The following CBLB variants were observed in gnomAD, a reference collection of about 807,000 sequenced individuals.
The protein encoded by CBLB is Cbl proto-oncogene B, also known as E3 ubiquitin-protein ligase CBL-B.
Under a neutral mutation model 104.9 loss-of-function variants are expected in CBLB, and 31 were observed. The observed-to-expected ratio is 0.30, with a 90% confidence interval of 0.22 to 0.40. CBLB has a LOEUF of 0.40. Ranked by LOEUF, CBLB falls within the 10% of genes least tolerant of loss-of-function variation. The pLI is 1.00. For missense variants in CBLB, 1,062 were observed against 1,214.6 expected (o/e 0.87, Z 1.87); for synonymous variants, 440 against 422.6 (o/e 1.04, Z -0.51).
At position 105,710,858 on chromosome 3, in the gene CBLB, C is replaced by T. The variant is rs922883807; in HGVS notation, c.1408-6685G>A. Among the ~76,000 whole-genome samples, 15 of 151,662 alleles carry T rather than the reference C, an allele frequency of 9.9e-5. 1 individual carries two copies. The highest frequency in any genetic ancestry group is 1.9e-4 in the East Asian group (1 of 5,184). ...AATGCACAGAATCCTTTATAACTAC[C>T]ACGAGGAACAGAGAAATCCACATGT... On this transcript the variant is annotated intron_variant, in intron 10 of 18. Transcript: ENST00000394030.
intron 3 of CBLB, among the ~76,000 whole-genome samples, chr3:105,806,550 G>T (rs1169135791): frequency 6.7e-6 from 1 of 149,264 alleles, no homozygotes; most frequent in Non-Finnish European, 1.5e-5. Context: ...CTTTTTAAAG[G>T]TCACAAAGAT....
intron 9 of CBLB, among the ~76,000 whole-genome samples, chr3:105,730,283 T>C (rs1023241225): frequency 6.6e-6 from 1 of 152,010 alleles, no homozygotes; most frequent in African/African-American, 2.4e-5. Flanking sequence ...AATCACACAA[T>C]AGCTAGTGAA....
intron 2 of CBLB, among the ~76,000 whole-genome samples, chr3:105,856,384 A>C (rs2091619495): frequency 6.6e-6 from 1 of 151,980 alleles, no homozygotes; most frequent in Admixed American, 6.5e-5. Flanking sequence ...GGAAAAAAAA[A>C]AGAAATCACT....
chr3:105,853,415 T>G lies in CBLB; in HGVS notation c.418A>C (p.Arg140=), dbSNP rs1560536253. 1.9e-6 allele frequency: 3 copies of G among 1,613,540 alleles called. No homozygotes were observed. The highest frequency in any genetic ancestry group is 1.7e-6 in the Non-Finnish European group (2 of 1,179,742). Residue 140 remains arginine (R), a splice_region_variant and synonymous_variant, in exon 3 of 19, where the codon AGA becomes CGA. Coordinates refer to ENST00000394030, the MANE Select transcript of CBLB (RefSeq NM_170662.5). ...AAACATCTGAAATATTCTTCTTACC[T>G]GTCCTGTGACTGTTCTTCATACATT... ...ERMYEEQSQD[R]RNLTKLSLIF...
intron 3 of CBLB, among the ~76,000 whole-genome samples, chr3:105,830,399 C>T (rs1378129020): frequency 1.3e-5 from 2 of 152,154 alleles, no homozygotes; most frequent in Admixed American, 6.5e-5. Context: ...TGACTCAGCA[C>T]TATAAGGATC....
Position 105,681,476 on chromosome 3 carries a change from A to G in CBLB, c.2428+3T>C. ...TGTTCAAAACTTTTTTAAAGGTTTC[A>G]ACCTAATGGAGGGATGAGAAGATCA... On this transcript the variant is annotated splice_donor_region_variant and intron_variant, in intron 16 of 18. Transcript: ENST00000394030. 1 of 1,614,122 alleles carries G rather than the reference A, an allele frequency of 6.2e-7. No individual in the cohort carries two copies. Among genetic ancestry groups the G allele is most frequent in the Non-Finnish European group, 8.5e-7 (1 of 1,179,952 alleles).
At chr3:105,836,550 T>C (rs186298119) in intron 3 of CBLB, among the ~76,000 whole-genome samples, 2 of 152,152 alleles carry the variant, frequency 1.3e-5, no homozygotes, top group African/African-American at 4.8e-5. Flanking sequence ...TCCAGAGTTA[T>C]AAGAAAAGAA....
chr3:105,679,914 T>A (rs1219156594), intron 16 of CBLB, among the ~76,000 whole-genome samples: 1 of 152,228 alleles, frequency 6.6e-6, no homozygotes, highest in Non-Finnish European at 1.5e-5. Context: ...CTTCAGCTAT[T>A]TCCTACATTA....
chr3:105,765,034 GCTCT>G (rs1488185889), intron 4 of CBLB, among the ~76,000 whole-genome samples: 1 of 152,274 alleles, frequency 6.6e-6, no homozygotes, highest in South Asian at 2.1e-4. Flanking sequence ...AAGAAAAGAA[GCTCT>G]CTCTAACATA....
At chr3:105,802,637 T>G (rs1022461789) in intron 3 of CBLB, among the ~76,000 whole-genome samples, 2 of 152,190 alleles carry the variant, frequency 1.3e-5, no homozygotes, top group Admixed American at 1.3e-4. Context: ...CTTGCCCCTA[T>G]GTTTTGGGAG....
intron 10 of CBLB, among the ~76,000 whole-genome samples, chr3:105,708,252 A>G (rs181416951): frequency 2.6e-5 from 4 of 152,180 alleles, no homozygotes; most frequent in African/African-American, 9.6e-5. Context: ...TAACAAACAA[A>G]CATAGAGCCA....
At chr3:105,734,238 T>A in intron 8 of CBLB, 98 bp from the exon 9 acceptor site, 1 of 1,189,322 alleles carries the variant, frequency 8.4e-7, no homozygotes, top group Non-Finnish European at 1.2e-6. Context: ...ACAGTCAATA[T>A]CTCACAATTG....
chr3:105,770,683 C>T lies in CBLB; in HGVS notation c.566+5713G>A, dbSNP rs192126564. ...GGGTGCCTGGCCATGCCTGGGAAGA[C>T]GAAGAGGGGCATGGCTTTTTGAAAG... On this transcript the variant is annotated intron_variant, in intron 4 of 18. Transcript: ENST00000394030. 1.6e-3 allele frequency among the ~76,000 whole-genome samples: 241 copies of T among 152,112 alleles called. 2 individuals are homozygous for T. Among genetic ancestry groups the T allele is most frequent in the African/African-American group, 4.8e-3 (199 of 41,490 alleles).
At chr3:105,840,033 A>C (rs187980996) in intron 3 of CBLB, among the ~76,000 whole-genome samples, 46 of 152,322 alleles carry the variant, frequency 3.0e-4, no homozygotes, top group African/African-American at 1.1e-3. Context: ...AATTTTCTGA[A>C]ATCTCTGGAA....
chr3:105,788,082 C>T (rs761196564), intron 3 of CBLB, among the ~76,000 whole-genome samples: 9 of 152,056 alleles, frequency 5.9e-5, no homozygotes, highest in African/African-American at 1.9e-4. Flanking sequence ...TTGTAGTAGA[C>T]GCAGGATAAC....
chr3:105,702,557 T>A, intron 11 of CBLB, 98 bp from the exon 12 acceptor site: 1 of 1,286,024 alleles, frequency 7.8e-7, no homozygotes, highest in African/African-American at 1.5e-5. Context: ...TTGCTTTAAT[T>A]TTCTAAGCCA....
intron 2 of CBLB, among the ~76,000 whole-genome samples, chr3:105,861,270 T>C (rs1379908475): frequency 6.6e-6 from 1 of 152,168 alleles, no homozygotes; most frequent in Admixed American, 6.5e-5. Flanking sequence ...AAGATGAGAA[T>C]TGATTTCCAT....
At chr3:105,784,804 T>A (rs542751954) in intron 3 of CBLB, among the ~76,000 whole-genome samples, 1 of 152,316 alleles carries the variant, frequency 6.6e-6, no homozygotes, top group South Asian at 2.1e-4. Flanking sequence ...TAGAATATAG[T>A]TAGAAACTCC....
At chr3:105,733,496 T>G (rs767677425) in intron 9 of CBLB, among the ~76,000 whole-genome samples, 52 of 152,158 alleles carry the variant, frequency 3.4e-4, no homozygotes, top group Non-Finnish European at 6.0e-4. Context: ...CTTCAGTAAA[T>G]AGGGAACTTT....
Sources: allele counts gnomAD v4.1 joint callset (sites outside exome capture counted in the v4.1 genomes callset), GRCh38; gene constraint gnomAD v4.1.1; transcripts MANE v1.5; gene names NCBI Gene and HGNC (gene_info 2026-07-23, HGNC 2026-07-21).